The following TOP3A variants were observed in gnomAD, a reference collection of about 807,000 sequenced individuals.
The protein encoded by TOP3A is DNA topoisomerase III alpha.
In TOP3A, 64 loss-of-function variants were observed where a neutral mutation model predicts 111.3. The observed-to-expected ratio is 0.57, with a 90% CI of 0.47 to 0.71. TOP3A has a LOEUF of 0.71. TOP3A is among the 30% of genes least tolerant of loss of function. TOP3A has a pLI of 0.00. For synonymous variants in TOP3A, 484 were observed against 485.1 expected (o/e 1.00, Z 0.03); for missense variants, 1,104 against 1,285.0 (o/e 0.86, Z 2.15).
rs969637103 is a variant in TOP3A at position 18,271,599 on chromosome 17, T to C, written c.*3203A>G. The C allele has an allele frequency of 3.7e-6, 1 of 267,522 alleles. No homozygotes were observed. The highest frequency in any genetic ancestry group is 2.9e-5 in the South Asian group (1 of 34,690). 16.6% of individuals were successfully genotyped at this position (267,522 alleles called of 1,614,324 possible). On this transcript the variant is annotated 3_prime_UTR_variant, in exon 19 of 19. Transcript: ENST00000321105. Reference sequence around the variant, plus strand: ...AGGAAGTGGGAGCTGAGCCTGGGTCTGTCTGATCTCAGATGCCTGGCCCAG... The same window carrying C: ...AGGAAGTGGGAGCTGAGCCTGGGTCCGTCTGATCTCAGATGCCTGGCCCAG...
At position 18,302,615 on chromosome 17, in the gene TOP3A, G is replaced by GCAT; in HGVS notation, c.605_607dup (p.Asp202dup). On this transcript the variant is annotated inframe_insertion, in exon 6 of 19. Coordinates refer to ENST00000321105, the MANE Select transcript of TOP3A (RefSeq NM_004618.5). ...GTCCAGCTCCTGCCTCACATCCACA[G>GCAT]CATCGCTCACCCTCTGATCAGGCTC... 6.2e-7 allele frequency: 1 copy of GCAT among 1,614,190 alleles called. No individual in the cohort carries two copies. The highest frequency in any genetic ancestry group is 1.1e-5 in the South Asian group (1 of 91,084).
intron 9 of TOP3A, 144 bp downstream of exon 9, chr17:18,299,415 A>G (rs573370980): frequency 5.3e-6 from 4 of 754,322 alleles, no homozygotes; most frequent in South Asian, 4.5e-5. Flanking sequence ...GCTAAGCAGG[A>G]CCGTGTCTTT....
At chr17:18,302,964 T>G in intron 5 of TOP3A, 1 of 456,120 alleles carries the variant, frequency 2.2e-6, no homozygotes, top group East Asian at 3.9e-5. Flanking sequence ...AGCTAGTAAC[T>G]GTGGGGAAAA....
chr17:18,300,156 G>T (rs1311258747), intron 8 of TOP3A, among the ~76,000 whole-genome samples: 1 of 136,366 alleles, frequency 7.3e-6, no homozygotes, highest in Non-Finnish European at 1.5e-5. Context: ...CCACCACTTT[G>T]GGAGGCCGAG....
intron 18 of TOP3A, among the ~76,000 whole-genome samples, chr17:18,275,603 C>T (rs1394335269): frequency 6.6e-6 from 1 of 151,496 alleles, no homozygotes; most frequent in Non-Finnish European, 1.5e-5. Flanking sequence ...ACCTTGTGAT[C>T]CGCCCGCCTT....
intron 8 of TOP3A, among the ~76,000 whole-genome samples, chr17:18,300,185 C>CAA (rs57665464): frequency 0.72 from 109,285 of 151,888 alleles, 40,005 homozygotes; most frequent in African/African-American, 0.86. Flanking sequence ...ATTACAAGGT[C>CAA]GAGAGCTAGA....
In TOP3A at chr17:18,292,910, AAAC is replaced by A. The variant is rs1167762070; in HGVS notation, c.1074-61_1074-59del. On this transcript the variant is annotated intron_variant, in intron 10 of 18. Coordinates refer to ENST00000321105, the MANE Select transcript of TOP3A (RefSeq NM_004618.5). ...TTGCTAGGCTCTCTGATTGGTCTAT[AAAC>A]AACTGAAAGCACACACTAACACCTG... The A allele has an allele frequency of 8.6e-6, 13 of 1,504,612 alleles. No homozygotes were observed. The South Asian group carries it at 1.6e-4, about 19-fold the overall frequency. 93.2% of individuals were successfully genotyped at this position (1,504,612 alleles called of 1,614,324 possible). A position where few individuals can be genotyped will look rare whatever the true frequency, so the allele number is the denominator to read the frequency against.
chr17:18,289,170 G>A (rs1486655885), intron 13 of TOP3A, among the ~76,000 whole-genome samples: 2 of 152,060 alleles, frequency 1.3e-5, no homozygotes, highest in South Asian at 2.1e-4. Flanking sequence ...GTGCCACCAC[G>A]CCTAGCTAAT....
intron 9 of TOP3A, among the ~76,000 whole-genome samples, chr17:18,298,216 C>T (rs1168303334): frequency 6.7e-6 from 1 of 149,760 alleles, no homozygotes; most frequent in Non-Finnish European, 1.5e-5. Flanking sequence ...GTGAGGAGCC[C>T]CTCCGCCCAG....
rs376782747 is a variant in TOP3A at position 18,276,148 on chromosome 17, T to C, written c.2828-1168A>G. 5.9e-5 allele frequency among the ~76,000 whole-genome samples: 9 copies of C among 152,290 alleles called. No individual in the cohort carries two copies. In the East Asian group the frequency reaches 1.5e-3, roughly 26 times the overall value. ...AAGTGGACTTTCATGCCGGCCCTTT[T>C]TACAGAGGCAGAAACCCAAGCAAGC... On this transcript the variant is annotated intron_variant, in intron 18 of 18. Coordinates refer to ENST00000321105, the MANE Select transcript of TOP3A (RefSeq NM_004618.5).
chr17:18,299,018 C>G (rs1175086470), intron 9 of TOP3A, among the ~76,000 whole-genome samples: 3 of 151,494 alleles, frequency 2.0e-5, no homozygotes, highest in African/African-American at 7.3e-5. Flanking sequence ...CTGCCAAATC[C>G]CCCTCTGTGA....
intron 5 of TOP3A, among the ~76,000 whole-genome samples, chr17:18,303,531 T>A (rs1280251070): frequency 3.9e-5 from 6 of 152,178 alleles, no homozygotes; most frequent in Non-Finnish European, 8.8e-5. Flanking sequence ...GAAAACCACC[T>A]TATGGCTGGA....
intron 4 of TOP3A, 77 bp downstream of exon 4, chr17:18,306,814 T>C: frequency 2.1e-6 from 2 of 961,434 alleles, no homozygotes; most frequent in Non-Finnish European, 3.3e-6. Flanking sequence ...CAAATGCCAA[T>C]GCATTAAAAA....
rs1181362298 is a variant in TOP3A, at chr17:18,280,593, A to G, written c.2087T>C (p.Leu696Pro). The G allele has an allele frequency of 6.2e-7, 1 of 1,613,924 alleles. No homozygotes were observed. The highest frequency in any genetic ancestry group is 1.3e-5 in the African/African-American group (1 of 74,936). ...CACACTGCTGTCCCTGCTGGCCTCCAGCACCGAGTCAGGAAGCCACACAGC... is the reference window on the plus strand; with the variant it reads ...CACACTGCTGTCCCTGCTGGCCTCCGGCACCGAGTCAGGAAGCCACACAGC... Reference protein sequence around the residue: ...RSAVWLPDSVLEASRDSSVCP... With the variant: ...RSAVWLPDSVPEASRDSSVCP... The change falls in exon 17 of 19, where the codon CTG becomes CCG. Residue 696 changes from leucine (L) to proline (P), a missense_variant. Physicochemically the swap from Leu to Pro is moderately conservative, Grantham distance 98. Transcript: ENST00000321105.
Position 18,274,970 on chromosome 17 carries a change from T to G in TOP3A, c.2838A>C (p.Gly946=). 6.2e-7 allele frequency: 1 copy of G among 1,613,440 alleles called. No homozygotes were observed. The highest frequency in any genetic ancestry group is 8.5e-7 in the Non-Finnish European group (1 of 1,179,768). Reference sequence around the variant, plus strand: ...CTCTGTCTCCTGTCCAGGACGGGGCTCCAGAAGTCCCTGTCGGGAGAGTCA... The same window carrying G: ...CTCTGTCTCCTGTCCAGGACGGGGCGCCAGAAGTCCCTGTCGGGAGAGTCA... ...VDENTAPGTS[G]APSWTGDRGR... is the part of the protein sequence containing the mutation. The change falls in exon 19 of 19, where the codon GGA becomes GGC. Residue 946 remains glycine, a synonymous_variant. Coordinates refer to ENST00000321105, the MANE Select transcript of TOP3A (RefSeq NM_004618.5).
intron 16 of TOP3A, 99 bp from the exon 17 acceptor site, chr17:18,280,757 A>G: frequency 7.2e-7 from 1 of 1,380,822 alleles, no homozygotes; most frequent in Non-Finnish European, 1.0e-6. Flanking sequence ...CCCGAGGACA[A>G]CATTCCCTTT....
Position 18,274,929 on chromosome 17 carries a change from G to A in TOP3A, c.2879C>T (p.Ser960Leu), listed in dbSNP as rs139682740. 4.2e-4 allele frequency: 680 copies of A among 1,613,960 alleles called. No individual in the cohort carries two copies. The highest frequency in any genetic ancestry group is 5.5e-4 in the Non-Finnish European group (649 of 1,180,032). The change falls in exon 19 of 19, where the codon TCG (serine) becomes TTG (leucine). Residue 960 changes from serine to leucine, a missense_variant. Transcript: ENST00000321105. ...WTGDRGRTLE[S>L]EARSKRPRAS... ...CCGGGGCCTTTTGCTTCTGGCTTCC[G>A]ACTCCAGGGTTCTTCCTCTGTCTCC...
intron 13 of TOP3A, among the ~76,000 whole-genome samples, chr17:18,287,659 C>A (rs1980187319): frequency 6.6e-6 from 1 of 151,802 alleles, no homozygotes; most frequent in African/African-American, 2.4e-5. Flanking sequence ...ATGGCTGTGA[C>A]CTAGCCTGGG....
At position 18,290,863 on chromosome 17, in the gene TOP3A, T is replaced by G. The variant is rs776050068; in HGVS notation, c.1446A>C (p.Pro482=). The change falls in exon 12 of 19, where the codon CCA becomes CCC. Residue 482 remains proline (P), a synonymous_variant. Transcript: ENST00000321105. ...ILARNYLDVY[P]YDHWSDKILP... is the part of the protein sequence containing the mutation. ...TTACCTTGTCACTCCAGTGATCATA[T>G]GGATACACATCCAGATAGTTTCGGG... 1.9e-6 allele frequency: 3 copies of G among 1,614,212 alleles called. No homozygotes were observed. The highest frequency in any genetic ancestry group is 2.5e-6 in the Non-Finnish European group (3 of 1,180,032).
Sources: gnomAD v4.1 joint callset for allele counts (sites outside exome capture counted in the v4.1 genomes callset) on GRCh38, gnomAD v4.1.1 for gene constraint, MANE v1.5 for transcripts, NCBI Gene and HGNC (gene_info 2026-07-23, HGNC 2026-07-21) for gene names.